The following ERAP1 variants were observed in gnomAD, a reference collection of about 807,000 sequenced individuals.
ERAP1 encodes the protein adipocyte-derived leucine aminopeptidase.
ERAP1 carries 86 observed loss-of-function variants against 103.7 expected under a neutral mutation model. The observed-to-expected ratio is 0.83, with a 90% CI of 0.70 to 0.99. The LOEUF (loss-of-function observed/expected upper bound fraction) is 0.99, where lower values mean the gene tolerates loss of function less well. ERAP1 is among the 50% of genes least tolerant of loss of function. The probability of loss-of-function intolerance (pLI) is 0.00; values close to 1 mark genes in which losing one functional copy is unlikely to be tolerated. For synonymous variants in ERAP1, 398 were observed against 402.4 expected (o/e 0.99, Z 0.13); for missense variants, 1,009 against 1,128.4 (o/e 0.89, Z 1.52).
chr5:96,806,975 TGTTTTGTTTTG>T (rs1388521369), intron 1 of ERAP1, among the ~76,000 whole-genome samples: 2 of 93,180 alleles, frequency 2.1e-5, no homozygotes, highest in African/African-American at 6.6e-5. Context: ...TGTTTTGTTT[TGTTTTGTTTTG>T]TTGTTTTGTT....
At chr5:96,900,164 C>A in the ERAP1 span, 5 of 1,613,590 alleles carry the variant, frequency 3.1e-6, no homozygotes, top group South Asian at 1.1e-5. Flanking sequence ...GTTTGTCATT[C>A]GGATCCCAAG....
chr5:96,913,639 C>T, the ERAP1 span, among the ~76,000 whole-genome samples: 1 of 152,146 alleles, frequency 6.6e-6, no homozygotes, highest in Non-Finnish European at 1.5e-5. Flanking sequence ...AAGGGAGAGA[C>T]ATGAGAATAA....
the ERAP1 span, chr5:96,901,601 G>A: frequency 2.3e-5 from 37 of 1,613,992 alleles, no homozygotes; most frequent in Non-Finnish European, 3.0e-5. Flanking sequence ...AACAAGACGG[G>A]TGTTCACTCC....
At chr5:96,901,809 G>A in the ERAP1 span, 1 of 901,392 alleles carries the variant, frequency 1.1e-6, no homozygotes, top group South Asian at 1.8e-5. Flanking sequence ...AAGGCCTAAA[G>A]TAGACTTGAT....
chr5:96,803,493 T>C lies in ERAP1; in HGVS notation c.434A>G (p.Tyr145Cys), dbSNP rs867895297. 1 of 1,613,538 alleles carries C rather than the reference T, an allele frequency of 6.2e-7. No homozygotes were observed. Residue 145 changes from tyrosine (Y) to cysteine (C), a missense_variant, in exon 2 of 19, where the codon TAC (tyrosine) becomes TGC (cysteine). Physicochemically the swap from Tyr to Cys is radical, Grantham distance 194. Around this residue, in one of 3 missense-constraint regions of ERAP1, gnomAD observed 392 missense variants for 455.2 expected, o/e 0.86. Coordinates refer to ENST00000443439, the MANE Select transcript of ERAP1 (RefSeq NM_001040458.3). ...GCCAGCATAGTGAATGACAACTGTG[T>C]ACGGGAGCCCGACAAGGAGGGGCTC... ...APEPLLVGLPYTVVIHYAGNL... is the reference protein window; with the variant it reads ...APEPLLVGLPCTVVIHYAGNL...
Position 96,792,043 on chromosome 5 carries a change from T to A in ERAP1, c.1320+18A>T. The stretch of plus-strand genomic sequence containing the variant: ...CTTTAGTATCTAAACTGTATCCTTA[T>A]ACTCAATCTACTTTTACCTTATCAT... On this transcript the variant is annotated intron_variant, in intron 8 of 18. Coordinates refer to ENST00000443439, the MANE Select transcript of ERAP1 (RefSeq NM_001040458.3). 6.2e-7 allele frequency: 1 copy of A among 1,613,548 alleles called. No individual in the cohort carries two copies. The highest frequency in any genetic ancestry group is 2.2e-5 in the East Asian group (1 of 44,860).
At position 96,793,465 on chromosome 5, in the gene ERAP1, T is replaced by G. The variant is rs1035358548; in HGVS notation, c.1123A>C (p.Asn375His). Residue 375 changes from asparagine (N) to histidine (H), a missense_variant, in exon 7 of 19, where the codon AAT (asparagine) becomes CAT (histidine). Transcript: ENST00000443439. ...TCCATAAATTTGGCAAATCCTTCATTTAGCCAAAGATCATTCCACCATTCC... is the reference window on the plus strand; with the variant it reads ...TCCATAAATTTGGCAAATCCTTCATGTAGCCAAAGATCATTCCACCATTCC... Reference protein sequence around the residue: ...TMEWWNDLWLNEGFAKFMEFV... With the variant: ...TMEWWNDLWLHEGFAKFMEFV... The G allele has an allele frequency of 9.9e-6, 16 of 1,613,788 alleles. No homozygotes were observed. Among genetic ancestry groups the G allele is most frequent in the Non-Finnish European group, 1.4e-5 (16 of 1,179,924 alleles).
At chr5:96,807,704 T>C (rs416073) in intron 1 of ERAP1, among the ~76,000 whole-genome samples, 156 bp downstream of exon 1, 4 of 147,928 alleles carry the variant, frequency 2.7e-5, no homozygotes, top group Admixed American at 1.3e-4. Context: ...CCCCGTCGCC[T>C]TCCTCCCGCG....
chr5:96,819,821 A>T, the ERAP1 span, among the ~76,000 whole-genome samples: 9 of 152,338 alleles, frequency 5.9e-5, no homozygotes, highest in East Asian at 1.5e-3. Flanking sequence ...GAGTGAAGTC[A>T]TTATTTCTTA....
the ERAP1 span, among the ~76,000 whole-genome samples, chr5:96,855,028 T>A: frequency 0.048 from 7,270 of 152,260 alleles, 214 homozygotes; most frequent in South Asian, 0.11. Context: ...TTTCTGCAGA[T>A]TATATAGGTT....
At chr5:96,904,296 T>C in the ERAP1 span, among the ~76,000 whole-genome samples, 1 of 152,186 alleles carries the variant, frequency 6.6e-6, no homozygotes, top group East Asian at 1.9e-4. Context: ...CTGGAGGGAA[T>C]TGAGGACCAG....
chr5:96,881,185 T>C, the ERAP1 span: 1 of 331,660 alleles, frequency 3.0e-6, no homozygotes. Flanking sequence ...CACTGGAGGA[T>C]TCTGCTCTGA....
the ERAP1 span, chr5:96,903,553 C>T: frequency 5.6e-6 from 9 of 1,595,394 alleles, no homozygotes; most frequent in Non-Finnish European, 7.7e-6. Flanking sequence ...TGTGTTTCAG[C>T]TAGTTGGGTA....
the ERAP1 span, among the ~76,000 whole-genome samples, chr5:96,862,168 T>A: frequency 6.6e-6 from 1 of 152,274 alleles, no homozygotes; most frequent in East Asian, 1.9e-4. Context: ...TTCTTTTTAT[T>A]TTTTGTAGAG....
the ERAP1 span, among the ~76,000 whole-genome samples, chr5:96,851,824 GCT>G: frequency 6.6e-6 from 1 of 152,164 alleles, no homozygotes; most frequent in Non-Finnish European, 1.5e-5. Flanking sequence ...GCACAGGACT[GCT>G]CTGACTGAAA....
At position 96,790,560 on chromosome 5, in the gene ERAP1, A is replaced by G. The variant is rs1776621740; in HGVS notation, c.1404T>C (p.His468=). Residue 468 remains histidine (H), a synonymous_variant, in exon 9 of 19, where the codon CAT becomes CAC. Transcript: ENST00000443439. ...CCTCGTTTTTTGTATTTTTATAGCT[A>G]TGCTTCTGGAGATACTGTACAATAC... The part of the protein sequence containing the change: ...KSGIVQYLQK[H]SYKNTKNEDL... The G allele has an allele frequency of 6.2e-7, 1 of 1,613,890 alleles. No homozygotes were observed. Among genetic ancestry groups the G allele is most frequent in the Non-Finnish European group, 8.5e-7 (1 of 1,179,768 alleles).
the ERAP1 span, among the ~76,000 whole-genome samples, chr5:96,845,346 T>C: frequency 6.6e-6 from 1 of 152,168 alleles, no homozygotes; most frequent in African/African-American, 2.4e-5. Flanking sequence ...GTGATTCTCA[T>C]GCTTCACTCT....
Position 96,786,443 on chromosome 5 carries a change from T to C in ERAP1, c.1759+27A>G, listed in dbSNP as rs780906962. ...CACATTTTCACATTCCTCCTTGAAT[T>C]AACTAGTAGTTTCCAAAATAAATTA... is the stretch of plus-strand genomic sequence containing the variant. On this transcript the variant is annotated intron_variant, in intron 12 of 18. Coordinates refer to ENST00000443439, the MANE Select transcript of ERAP1 (RefSeq NM_001040458.3). 1.3e-5 allele frequency: 19 copies of C among 1,446,904 alleles called. No individual in the cohort carries two copies. The South Asian group carries it at 2.2e-4, about 17-fold the overall frequency. The allele number at this position is 1,446,904 out of a possible 1,614,324, so 89.6% of individuals were successfully genotyped here.
At chr5:96,906,748 C>T in the ERAP1 span, among the ~76,000 whole-genome samples, 1 of 152,106 alleles carries the variant, frequency 6.6e-6, no homozygotes, top group African/African-American at 2.4e-5. Flanking sequence ...GAGAAAACCC[C>T]ACATTGGGCG....
Sources: allele counts gnomAD v4.1 joint callset (sites outside exome capture counted in the v4.1 genomes callset), GRCh38; gene constraint gnomAD v4.1.1; regional missense constraint gnomAD v4.1.1; transcripts MANE v1.5; gene names NCBI Gene and HGNC (gene_info 2026-07-23, HGNC 2026-07-21).